MACROD2: variants seen among roughly 807,000 people sequenced by gnomAD.
The protein encoded by MACROD2 is mono-ADP ribosylhydrolase 2.
MACROD2 carries 36 observed loss-of-function variants against 70.4 expected under a neutral mutation model. The observed-to-expected ratio is 0.51, with a 90% confidence interval of 0.39 to 0.68. The LOEUF (loss-of-function observed/expected upper bound fraction) is 0.68, where lower values mean the gene tolerates loss of function less well. Ranked by LOEUF, MACROD2 falls within the 30% of genes least tolerant of loss-of-function variation. The pLI is 0.00. For synonymous variants in MACROD2, 172 were observed against 178.8 expected (o/e 0.96, Z 0.30); for missense variants, 496 against 538.4 (o/e 0.92, Z 0.78).
intron 13 of MACROD2, among the ~76,000 whole-genome samples, chr20:15,969,404 A>T (rs1022241248): frequency 2.0e-5 from 3 of 152,210 alleles, no homozygotes; most frequent in Non-Finnish European, 4.4e-5. Flanking sequence ...AATATTAGTT[A>T]TGAACACAAA....
chr20:15,763,984 T>C (rs536554694), intron 8 of MACROD2, among the ~76,000 whole-genome samples: 1 of 152,364 alleles, frequency 6.6e-6, no homozygotes, highest in African/African-American at 2.4e-5. Context: ...AAGATTTGCA[T>C]AATTTCAATA....
chr20:15,235,524 C>A (rs918216837), intron 6 of MACROD2, among the ~76,000 whole-genome samples: 2 of 152,176 alleles, frequency 1.3e-5, no homozygotes. Context: ...TCAGTACTAC[C>A]TCTAGGCATT....
intron 5 of MACROD2, among the ~76,000 whole-genome samples, chr20:15,112,950 CTGTGTGTGTG>C (rs11467446): frequency 1.2e-4 from 18 of 146,108 alleles, no homozygotes; most frequent in African/African-American, 4.0e-4. Flanking sequence ...TAATATTTCA[CTGTGTGTGTG>C]TGTGTGTGTG....
chr20:15,722,069 T>A (rs191555339), intron 8 of MACROD2, among the ~76,000 whole-genome samples: 120 of 152,368 alleles, frequency 7.9e-4, no homozygotes, highest in African/African-American at 2.8e-3. Flanking sequence ...GCAACTTTAA[T>A]TAATTTGTCT....
At chr20:14,979,368 T>C (rs1207636683) in intron 5 of MACROD2, among the ~76,000 whole-genome samples, 1 of 152,178 alleles carries the variant, frequency 6.6e-6, no homozygotes, top group Non-Finnish European at 1.5e-5. Context: ...GGGCAAATAC[T>C]GCATTTCAGT....
At chr20:14,468,285 TG>T (rs1242855625) in intron 3 of MACROD2, among the ~76,000 whole-genome samples, 1 of 152,068 alleles carries the variant, frequency 6.6e-6, no homozygotes, top group Non-Finnish European at 1.5e-5. Context: ...TTTATGAATC[TG>T]GGTGCTCCTA....
chr20:15,689,882 A>T (rs1600763689), intron 8 of MACROD2, among the ~76,000 whole-genome samples: 1 of 152,194 alleles, frequency 6.6e-6, no homozygotes, highest in East Asian at 1.9e-4. Context: ...AAGTCAGTCC[A>T]TGGGGCCAGC....
At chr20:14,459,476 A>C (rs1294702621) in intron 3 of MACROD2, among the ~76,000 whole-genome samples, 1 of 152,012 alleles carries the variant, frequency 6.6e-6, no homozygotes, top group Non-Finnish European at 1.5e-5. Flanking sequence ...ATAAATATAC[A>C]TGTAAATATT....
intron 5 of MACROD2, among the ~76,000 whole-genome samples, chr20:15,133,905 C>CTTT (rs11467185): frequency 2.1e-4 from 23 of 111,286 alleles, no homozygotes; most frequent in East Asian, 2.6e-4. Flanking sequence ...TTTAAATAAT[C>CTTT]TTTTTTTTTT....
chr20:15,434,716 C>T (rs1468464093), intron 7 of MACROD2, among the ~76,000 whole-genome samples: 2 of 152,040 alleles, frequency 1.3e-5, no homozygotes, highest in African/African-American at 4.8e-5. Context: ...GACACTTGCA[C>T]ATGCAAGTTT....
intron 8 of MACROD2, among the ~76,000 whole-genome samples, chr20:15,586,522 C>T (rs1035217328): frequency 1.3e-5 from 2 of 152,192 alleles, no homozygotes; most frequent in South Asian, 4.1e-4. Flanking sequence ...TGGATTCTTT[C>T]TTAACATGAT....
chr20:14,263,588 G>A lies in MACROD2; in HGVS notation c.271+177860G>A, dbSNP rs575949634. ...CCATCTTAAGCAGAGCCAGGAAAAA[G>A]AACAAAAGGCTCTGAGCTCAAACAG... On this transcript the variant is annotated intron_variant, in intron 3 of 17. Coordinates refer to ENST00000684519, the MANE Select transcript of MACROD2 (RefSeq NM_001351661.2). 5.9e-5 allele frequency among the ~76,000 whole-genome samples: 9 copies of A among 151,548 alleles called. No individual in the cohort carries two copies. The South Asian group carries it at 1.9e-3, about 31-fold the overall frequency.
intron 5 of MACROD2, among the ~76,000 whole-genome samples, chr20:15,139,489 T>C (rs2076175591): frequency 6.6e-6 from 1 of 152,158 alleles, no homozygotes; most frequent in Non-Finnish European, 1.5e-5. Context: ...TGAACATGCG[T>C]AACTGCTTTA....
At chr20:15,540,870 CCT>C (rs774748133) in intron 8 of MACROD2, among the ~76,000 whole-genome samples, 6 of 152,282 alleles carry the variant, frequency 3.9e-5, no homozygotes, top group Non-Finnish European at 8.8e-5. Flanking sequence ...GTGAGTTCTC[CCT>C]GTGTGCACAT....
rs1458374315 is a variant in MACROD2 at position 15,535,651 on chromosome 20, G to A, written c.645+35804G>A. On this transcript the variant is annotated intron_variant, in intron 8 of 17. Coordinates refer to ENST00000684519, the MANE Select transcript of MACROD2 (RefSeq NM_001351661.2). ...CAGAAGAGAGTGAGCCACAATGGATGGTTGTGGAAGTGAACAACCAAGGCA... is the reference window on the plus strand; with the variant it reads ...CAGAAGAGAGTGAGCCACAATGGATAGTTGTGGAAGTGAACAACCAAGGCA... Among the ~76,000 whole-genome samples, 6 of 152,152 alleles carry A rather than the reference G, an allele frequency of 3.9e-5. No individual in the cohort carries two copies. The East Asian group carries it at 1.2e-3, about 29-fold the overall frequency.
At chr20:14,576,725 AC>A (rs11475579) in intron 4 of MACROD2, among the ~76,000 whole-genome samples, 97,604 of 151,990 alleles carry the variant, frequency 0.64, 32,911 homozygotes, top group East Asian at 0.93. Flanking sequence ...TGCAGAGGCC[AC>A]CCCCTTTTAA....
intron 8 of MACROD2, among the ~76,000 whole-genome samples, chr20:15,833,128 G>A (rs1433345086): frequency 1.3e-5 from 2 of 152,182 alleles, no homozygotes; most frequent in African/African-American, 4.8e-5. Flanking sequence ...ATGTGCAGAA[G>A]AAAGTGAGGT....
rs73096622 is a variant in MACROD2 at position 14,490,471 on chromosome 20, A to G, written c.272-3008A>G. On this transcript the variant is annotated intron_variant, in intron 3 of 17. Coordinates refer to ENST00000684519, the MANE Select transcript of MACROD2 (RefSeq NM_001351661.2). ...CTCATTTTAGTTTTGCATTGAATCA[A>G]TCTTTGAGACAATTACTGTAACTTG... Among the ~76,000 whole-genome samples, 1,467 of 152,280 alleles carry G rather than the reference A, an allele frequency of 9.6e-3. 14 individuals carry two copies. Among genetic ancestry groups the G allele is most frequent in the Non-Finnish European group, 0.016 (1,073 of 67,998 alleles).
chr20:14,226,268 C>T (rs2081732304), intron 3 of MACROD2, among the ~76,000 whole-genome samples: 1 of 152,146 alleles, frequency 6.6e-6, no homozygotes, highest in African/African-American at 2.4e-5. Context: ...GAGGTATTGG[C>T]ACTGGTAGCT....
Sources: gnomAD v4.1 joint callset for allele counts (sites outside exome capture counted in the v4.1 genomes callset) on GRCh38, gnomAD v4.1.1 for gene constraint, MANE v1.5 for transcripts, NCBI Gene and HGNC (gene_info 2026-07-23, HGNC 2026-07-21) for gene names.